Variants in GK observed in about 807,000 individuals in gnomAD.
GK encodes the protein ATP:glycerol 3-phosphotransferase.
Under a neutral mutation model 56.4 loss-of-function variants are expected in GK, and 9 were observed. That is an observed-to-expected ratio of 0.16 (90% CI 0.10 to 0.28). The LOEUF (loss-of-function observed/expected upper bound fraction) is 0.28, where lower values mean the gene tolerates loss of function less well. Among genes scored for constraint, GK ranks in the 10% least tolerant of loss-of-function variants. The probability of loss-of-function intolerance (pLI) is 1.00; values close to 1 mark genes in which losing one functional copy is unlikely to be tolerated. For missense variants in GK, 161 were observed against 431.4 expected, an observed-to-expected ratio of 0.37 and a Z score of 5.55; for synonymous variants, 104 against 144.1, an observed-to-expected ratio of 0.72 and a Z score of 1.99.
At chrX:30,728,662 C>T in intron 20 of GK, 70 bp from the exon 21 acceptor site, 1 of 680,489 alleles carries the variant, frequency 1.5e-6, no homozygotes, top group Admixed American at 2.2e-5. Flanking sequence ...ATTGAATCAT[C>T]TGCATTGCTT....
chrX:30,670,420 G>A (rs944693047), intron 3 of GK, among the ~76,000 whole-genome samples: 1 of 110,934 alleles, frequency 9.0e-6, no homozygotes, highest in Admixed American at 9.7e-5. Context: ...TTTGTCTTCC[G>A]TTTGCACTAC....
At chrX:30,661,097 C>T (rs759517687) in intron 1 of GK, among the ~76,000 whole-genome samples, 45 of 111,499 alleles carry the variant, frequency 4.0e-4, no homozygotes, top group Non-Finnish European at 7.3e-4. Context: ...TAGGCATGAG[C>T]CACAGTGCCC....
At chrX:30,666,610 T>C (rs1224933802) in intron 2 of GK, among the ~76,000 whole-genome samples, 1 of 112,267 alleles carries the variant, frequency 8.9e-6, no homozygotes, top group African/African-American at 3.2e-5. Flanking sequence ...TGCATTTCAC[T>C]GTAAAGTTTA....
At chrX:30,699,280 TACAAC>T (rs1199757006) in intron 9 of GK, among the ~76,000 whole-genome samples, 1 of 91,657 alleles carries the variant, frequency 1.1e-5, no homozygotes, top group Non-Finnish European at 2.1e-5. Context: ...CATGTATATA[TACAAC>T]ATGTTATACA....
At chrX:30,657,288 G>T (rs927119875) in intron 1 of GK, among the ~76,000 whole-genome samples, 2 of 112,466 alleles carry the variant, frequency 1.8e-5, no homozygotes, top group Non-Finnish European at 3.7e-5. Flanking sequence ...AATTGTCAAA[G>T]AATTAATCTT....
intron 8 of GK, 149 bp from the exon 9 acceptor site, chrX:30,697,583 C>T (rs1935306119): frequency 2.0e-6 from 1 of 497,531 alleles, no homozygotes; most frequent in African/African-American, 2.4e-5. Context: ...TAGCTGTCTG[C>T]AAACTGACTT....
chrX:30,677,936 T>C lies in GK; in HGVS notation c.337+484T>C. ...AATTAACTGTTGTATATTTACCATTTTTGGATCATACATATTCACATAGTG... is the reference window on the plus strand; with the variant it reads ...AATTAACTGTTGTATATTTACCATTCTTGGATCATACATATTCACATAGTG... On this transcript the variant is annotated intron_variant, in intron 4 of 20. Transcript: ENST00000427190. 4 of 530,528 alleles carry C rather than the reference T, an allele frequency of 7.5e-6. No homozygotes were observed. The South Asian group carries it at 9.9e-5, about 13-fold the overall frequency. 43.7% of individuals were successfully genotyped at this position (530,528 alleles called of 1,213,427 possible). A position where few individuals can be genotyped will look rare whatever the true frequency, so the allele number is the denominator to read the frequency against.
At chrX:30,712,061 T>C (rs953285595) in intron 13 of GK, among the ~76,000 whole-genome samples, 1 of 112,408 alleles carries the variant, frequency 8.9e-6, no homozygotes, top group Non-Finnish European at 1.9e-5. Flanking sequence ...AGTCACTTAG[T>C]ATGTATTTTT....
At chrX:30,707,328 CAAA>C (rs199672974) in intron 11 of GK, among the ~76,000 whole-genome samples, 1 of 52,892 alleles carries the variant, frequency 1.9e-5, no homozygotes, top group African/African-American at 7.1e-5. Context: ...GACTCCATCT[CAAA>C]AAAAAAAAAA....
At chrX:30,687,869 A>G (rs1341600427) in intron 4 of GK, among the ~76,000 whole-genome samples, 1 of 111,947 alleles carries the variant, frequency 8.9e-6, no homozygotes, top group African/African-American at 3.2e-5. Flanking sequence ...ATTAATTTTG[A>G]GCATTTGTGA....
intron 1 of GK, among the ~76,000 whole-genome samples, chrX:30,661,107 C>T (rs1932733698): frequency 9.0e-6 from 1 of 111,485 alleles, no homozygotes; most frequent in Admixed American, 9.6e-5. Context: ...CCACAGTGCC[C>T]AGCCTGGATC....
intron 13 of GK, among the ~76,000 whole-genome samples, chrX:30,708,674 G>A (rs892209160): frequency 1.8e-5 from 2 of 111,752 alleles, no homozygotes; most frequent in African/African-American, 6.5e-5. Flanking sequence ...GTAGGAATAT[G>A]CCAGCCTAAG....
intron 4 of GK, among the ~76,000 whole-genome samples, chrX:30,685,542 C>T (rs1462215814): frequency 2.7e-5 from 3 of 111,967 alleles, no homozygotes; most frequent in Non-Finnish European, 5.6e-5. Flanking sequence ...AAAAAAATTC[C>T]ATTATTACAG....
At chrX:30,709,373 T>A (rs1936203319) in intron 13 of GK, among the ~76,000 whole-genome samples, 1 of 111,751 alleles carries the variant, frequency 8.9e-6, no homozygotes, top group Non-Finnish European at 1.9e-5. Flanking sequence ...CCAACTTCTA[T>A]CTGAAGACAG....
chrX:30,726,286 ATT>A (rs771679752), intron 19 of GK, among the ~76,000 whole-genome samples: 31 of 91,856 alleles, frequency 3.4e-4, no homozygotes, highest in Non-Finnish European at 5.3e-4. Context: ...AGCCAGTTTG[ATT>A]TTTTTTTTTT....
intron 3 of GK, among the ~76,000 whole-genome samples, chrX:30,669,545 A>C (rs1336167026): frequency 8.9e-6 from 1 of 111,917 alleles, no homozygotes; most frequent in Admixed American, 9.5e-5. Context: ...AGGGAAAAAA[A>C]ATCCAGCCAC....
At chrX:30,659,726 GTGT>G (rs1276138197) in intron 1 of GK, among the ~76,000 whole-genome samples, 13 of 112,277 alleles carry the variant, frequency 1.2e-4, no homozygotes, top group Non-Finnish European at 2.4e-4. Context: ...GAGAATACAT[GTGT>G]TGTTTCAGAA....
At chrX:30,653,747 G>A (rs986891827) in intron 1 of GK, 132 bp downstream of exon 1, 12 of 605,888 alleles carry the variant, frequency 2.0e-5, no homozygotes, top group Non-Finnish European at 2.7e-5. Flanking sequence ...GAGGGAGGCC[G>A]GAACGGGACC....
At chrX:30,666,883 G>C (rs1238779830) in intron 2 of GK, among the ~76,000 whole-genome samples, 1 of 111,691 alleles carries the variant, frequency 9.0e-6, no homozygotes, top group Non-Finnish European at 1.9e-5. Context: ...GACTTGGCGC[G>C]GTGGCTCACG....
Sources: allele counts gnomAD v4.1 joint callset (sites outside exome capture counted in the v4.1 genomes callset), GRCh38; gene constraint gnomAD v4.1.1; transcripts MANE v1.5; gene names NCBI Gene and HGNC (gene_info 2026-07-23, HGNC 2026-07-21).